The following PCDHGA1 variants were observed in gnomAD, a reference collection of about 807,000 sequenced individuals.
PCDHGA1 encodes protocadherin gamma-A1.
In PCDHGA1, 32 loss-of-function variants were observed where a neutral mutation model predicts 58.0. The observed-to-expected ratio is 0.55, with a 90% confidence interval of 0.42 to 0.74. The LOEUF (loss-of-function observed/expected upper bound fraction) is 0.74. Ranked by LOEUF, PCDHGA1 falls within the 30% of genes least tolerant of loss-of-function variation. PCDHGA1 has a pLI of 0.00. For missense variants in PCDHGA1, 1,205 were observed against 1,182.3 expected (o/e 1.02, Z -0.28); for synonymous variants, 498 against 501.1 (o/e 0.99, Z 0.08).
At chr5:141,433,128 C>T (rs773994964) in intron 1 of PCDHGA1, 3 of 1,614,158 alleles carry the variant, frequency 1.9e-6, no homozygotes, top group Non-Finnish European at 1.7e-6. Flanking sequence ...AAAAGCGAGC[C>T]CCTTTTGCTG....
intron 1 of PCDHGA1, chr5:141,399,834 G>C (rs375768001): frequency 2.4e-5 from 39 of 1,613,004 alleles, no homozygotes; most frequent in Non-Finnish European, 2.9e-5. Flanking sequence ...ACGGCTCTGC[G>C]CTCTTCGATA....
chr5:141,428,794 T>C (rs2097161574), intron 1 of PCDHGA1: 1 of 152,852 alleles, frequency 6.5e-6, no homozygotes, highest in African/African-American at 2.4e-5. Context: ...CCTTTCTGTG[T>C]GGGCCAGTAA....
At chr5:141,345,529 C>T in intron 1 of PCDHGA1, 1 of 1,614,166 alleles carries the variant, frequency 6.2e-7, no homozygotes, top group Non-Finnish European at 8.5e-7. Flanking sequence ...CTCCAGGGGG[C>T]GCCCCTGTCC....
rs1408248560 is a variant in PCDHGA1 at position 141,475,829 on chromosome 5, G to C, written c.2422-18978G>C. On this transcript the variant is annotated intron_variant, in intron 1 of 3. Coordinates refer to ENST00000517417, the MANE Select transcript of PCDHGA1 (RefSeq NM_018912.3). ...AAAGTGAAGTTCCTGGCGCTAGCGC[G>C]TGTCCTGCTCAGAGAGCCCGGCGCT... The C allele has an allele frequency of 1.0e-5, 4 of 386,748 alleles. No individual in the cohort carries two copies. In the South Asian group the frequency reaches 1.4e-4, roughly 14 times the overall value. The allele number at this position is 386,748 out of a possible 1,614,324, so 24.0% of individuals were successfully genotyped here. A position where few individuals can be genotyped will look rare whatever the true frequency, so the allele number is the denominator to read the frequency against.
rs1026476774 is a variant in PCDHGA1 at position 141,337,480 on chromosome 5, C to T, written c.2421+4375C>T. The stretch of plus-strand genomic sequence containing the variant: ...ATTCTGTTACATGCTACAATATGGA[C>T]GAACTTCAAAGACATGATATCAAGT... On this transcript the variant is annotated intron_variant, in intron 1 of 3. Transcript: ENST00000517417. Among the ~76,000 whole-genome samples, 12 of 152,082 alleles carry T rather than the reference C, an allele frequency of 7.9e-5. No homozygotes were observed. The South Asian group carries it at 8.3e-4, about 11-fold the overall frequency.
Position 141,394,738 on chromosome 5 carries a change from T to G in PCDHGA1, c.2421+61633T>G. ...GACAGAGATGCGCTCAAGCAGAGCCTCGTGGTGGCCGTCCAGGACCATGGC... is the reference window on the plus strand; with the variant it reads ...GACAGAGATGCGCTCAAGCAGAGCCGCGTGGTGGCCGTCCAGGACCATGGC... On this transcript the variant is annotated intron_variant, in intron 1 of 3. Coordinates refer to ENST00000517417, the MANE Select transcript of PCDHGA1 (RefSeq NM_018912.3). 3 of 1,613,412 alleles carry G rather than the reference T, an allele frequency of 1.9e-6. No homozygotes were observed. The African/African-American group carries it at 4.0e-5, about 21-fold the overall frequency.
At chr5:141,357,763 C>A in intron 1 of PCDHGA1, 1 of 1,007,524 alleles carries the variant, frequency 9.9e-7, no homozygotes, top group Non-Finnish European at 1.4e-6. Context: ...GGTGGATGAC[C>A]TTCCAATAAT....
chr5:141,362,545 A>G (rs1181876257), intron 1 of PCDHGA1: 1 of 1,613,638 alleles, frequency 6.2e-7, no homozygotes. Flanking sequence ...TGCCTCAGAT[A>G]CTATTTTGAA....
chr5:141,355,930 C>G, intron 1 of PCDHGA1: 19 of 1,613,870 alleles, frequency 1.2e-5, no homozygotes, highest in Non-Finnish European at 1.6e-5. Flanking sequence ...CGTGTTCACT[C>G]AGCCCGAGTA....
At chr5:141,412,060 C>G (rs1191231135) in intron 1 of PCDHGA1, 2 of 152,154 alleles carry the variant, frequency 1.3e-5, no homozygotes, top group African/African-American at 2.4e-5. Context: ...ATACCCTTTG[C>G]ATTTGAGGGA....
At chr5:141,354,207 T>A (rs1263653590) in intron 1 of PCDHGA1, among the ~76,000 whole-genome samples, 1 of 152,246 alleles carries the variant, frequency 6.6e-6, no homozygotes, top group South Asian at 2.1e-4. Flanking sequence ...GTCTAACTTT[T>A]CTTTTTATTT....
In PCDHGA1 at chr5:141,512,903, C is replaced by G. The variant is rs2099884492; in HGVS notation, c.*1730C>G. On this transcript the variant is annotated 3_prime_UTR_variant, in exon 4 of 4. Coordinates refer to ENST00000517417, the MANE Select transcript of PCDHGA1 (RefSeq NM_018912.3). ...CCCCACCCTCTTCCTGTGTCTCACG[C>G]AAGTTTTATACTCTAATATTTATAT... 6.6e-6 allele frequency: 1 copy of G among 152,224 alleles called. No homozygotes were observed. Among genetic ancestry groups the G allele is most frequent in the African/African-American group, 2.4e-5 (1 of 41,452 alleles). 9.4% of individuals were successfully genotyped at this position (152,224 alleles called of 1,614,324 possible).
chr5:141,502,864 G>T (rs1595824348), intron 2 of PCDHGA1, among the ~76,000 whole-genome samples: 4 of 61,548 alleles, frequency 6.5e-5, no homozygotes, highest in African/African-American at 2.4e-4. Flanking sequence ...CTGACTCTCT[G>T]TCTTTTTTTT....
At chr5:141,350,153 G>T in intron 1 of PCDHGA1, 1 of 978,182 alleles carries the variant, frequency 1.0e-6, no homozygotes, top group Non-Finnish European at 1.4e-6. Flanking sequence ...GTTCACCCTC[G>T]AGCGCCTAAC....
chr5:141,418,397 T>C (rs764404369), intron 1 of PCDHGA1: 9 of 1,613,838 alleles, frequency 5.6e-6, no homozygotes, highest in South Asian at 3.3e-5. Context: ...GTATTTCTCA[T>C]TGGTGGAGAA....
chr5:141,351,434 T>G, intron 1 of PCDHGA1: 1 of 1,612,158 alleles, frequency 6.2e-7, no homozygotes, highest in Non-Finnish European at 8.5e-7. Context: ...CAAATTAGAA[T>G]CCACCTCGAA....
intron 1 of PCDHGA1, among the ~76,000 whole-genome samples, chr5:141,386,387 C>T (rs1416257552): frequency 6.6e-6 from 1 of 152,092 alleles, no homozygotes; most frequent in Admixed American, 6.5e-5. Context: ...TAATTAAAAA[C>T]ACACTTTTAG....
At chr5:141,409,869 A>G (rs2095329006) in intron 1 of PCDHGA1, 2 of 1,612,632 alleles carry the variant, frequency 1.2e-6, no homozygotes, top group African/African-American at 1.3e-5. Context: ...GGAGACCGCA[A>G]TGACAACGCA....
intron 1 of PCDHGA1, chr5:141,422,919 G>A (rs1445179310): frequency 3.7e-6 from 6 of 1,614,238 alleles, no homozygotes; most frequent in Non-Finnish European, 5.1e-6. Flanking sequence ...CCGAGATCCT[G>A]TACCCTGCCC....
Sources: allele counts gnomAD v4.1 joint callset (sites outside exome capture counted in the v4.1 genomes callset), GRCh38; gene constraint gnomAD v4.1.1; transcripts MANE v1.5; gene names NCBI Gene and HGNC (gene_info 2026-07-23, HGNC 2026-07-21).